The following TOGARAM2 variants were observed in gnomAD, a reference collection of about 807,000 sequenced individuals.
TOGARAM2 encodes the protein TOG array regulator of axonemal microtubules protein 2.
In TOGARAM2, 85 loss-of-function variants were observed where a neutral mutation model predicts 93.3. That is an observed-to-expected ratio of 0.91 (90% CI 0.76 to 1.09). TOGARAM2 has a LOEUF of 1.09. Ranked by LOEUF, TOGARAM2 falls within the 50% of genes least tolerant of loss-of-function variation. The probability of loss-of-function intolerance (pLI) is 0.00; values close to 1 mark genes in which losing one functional copy is unlikely to be tolerated. For synonymous variants in TOGARAM2, 593 were observed against 552.8 expected (o/e 1.07, Z -1.02); for missense variants, 1,277 against 1,334.5 (o/e 0.96, Z 0.67).
intron 4 of TOGARAM2, 122 bp from the exon 5 acceptor site, chr2:29,002,414 A>C: frequency 1.2e-6 from 1 of 815,664 alleles, no homozygotes; most frequent in Non-Finnish European, 1.9e-6. Flanking sequence ...GACAGATCTG[A>C]TCTCTCTCCT....
chr2:29,049,373 T>C (rs1422738788), intron 19 of TOGARAM2: 1 of 152,258 alleles, frequency 6.6e-6, no homozygotes, highest in Non-Finnish European at 1.5e-5. Flanking sequence ...TATCCATTCC[T>C]CAATGGACAC....
intron 18 of TOGARAM2, among the ~76,000 whole-genome samples, chr2:29,042,263 C>G (rs528447093): frequency 6.6e-5 from 10 of 152,380 alleles, no homozygotes; most frequent in Non-Finnish European, 1.5e-4. Flanking sequence ...CCCAGGCACA[C>G]TGTGTCTTGT....
intron 1 of TOGARAM2, among the ~76,000 whole-genome samples, chr2:28,964,406 C>T (rs957372942): frequency 6.7e-6 from 1 of 149,118 alleles, no homozygotes; most frequent in African/African-American, 2.5e-5. Flanking sequence ...CTTTTTTTTC[C>T]TCTTTATCTG....
At chr2:28,963,385 C>T (rs906637614) in intron 1 of TOGARAM2, among the ~76,000 whole-genome samples, 3 of 151,884 alleles carry the variant, frequency 2.0e-5, no homozygotes, top group African/African-American at 4.8e-5. Flanking sequence ...GTTTTTCTTC[C>T]GTTTTAGAGA....
intron 1 of TOGARAM2, among the ~76,000 whole-genome samples, chr2:28,993,457 G>T: frequency 6.6e-6 from 1 of 152,226 alleles, no homozygotes; most frequent in Non-Finnish European, 1.5e-5. Flanking sequence ...AGGGGGTGAA[G>T]TTTGGGGTGT....
intron 4 of TOGARAM2, among the ~76,000 whole-genome samples, chr2:29,000,968 C>T (rs2148284702): frequency 1.3e-5 from 2 of 152,316 alleles, no homozygotes; most frequent in Middle Eastern, 6.8e-3. Context: ...TACAAAGTTC[C>T]AGCATAGGGA....
At chr2:28,991,437 C>T (rs1208284412) in intron 1 of TOGARAM2, among the ~76,000 whole-genome samples, 1 of 152,214 alleles carries the variant, frequency 6.6e-6, no homozygotes, top group African/African-American at 2.4e-5. Context: ...TGCCACCTTT[C>T]CCCTCAGCCT....
rs576932900 is a variant in TOGARAM2, at chr2:29,023,164, C to T, written c.1590C>T (p.His530=). The T allele has an allele frequency of 7.0e-5, 112 of 1,597,722 alleles. 1 individual carries two copies. The highest frequency in any genetic ancestry group is 1.7e-4 in the Admixed American group (10 of 57,540). ...CHSEVLTGKL[H]DVCLVVTGEV... ...CAGAGGTCCTCACCGGGAAGCTGCA[C>T]GACGTGTGCTTGGTGGTGACTGGGG... Residue 530 remains histidine, a synonymous_variant, in exon 12 of 20, where the codon CAC becomes CAT. Transcript: ENST00000379558.
At chr2:28,974,158 C>G (rs997702248) in intron 1 of TOGARAM2, among the ~76,000 whole-genome samples, 1 of 135,292 alleles carries the variant, frequency 7.4e-6, no homozygotes, top group Admixed American at 7.8e-5. Context: ...GGCGAAGTCT[C>G]TCTCTGTCAC....
Position 28,994,721 on chromosome 2 carries a change from T to G in TOGARAM2, c.-110-4T>G. 1 of 1,069,648 alleles carries G rather than the reference T, an allele frequency of 9.3e-7. No individual in the cohort carries two copies. Among genetic ancestry groups the G allele is most frequent in the South Asian group, 1.4e-5 (1 of 71,092 alleles). 66.3% of individuals were successfully genotyped at this position (1,069,648 alleles called of 1,614,324 possible). A position where few individuals can be genotyped will look rare whatever the true frequency, so the allele number is the denominator to read the frequency against. Reference sequence around the variant, plus strand: ...TGACTTCTCCTTTCTCCTCTCACCCTTAGGTCCCGGATGTTACAGGTCAGA... The same window carrying G: ...TGACTTCTCCTTTCTCCTCTCACCCGTAGGTCCCGGATGTTACAGGTCAGA... On this transcript the variant is annotated splice_polypyrimidine_tract_variant and splice_region_variant and intron_variant, in intron 1 of 19. Coordinates refer to ENST00000379558, the MANE Select transcript of TOGARAM2 (RefSeq NM_199280.4).
chr2:28,999,084 CT>C (rs1278755227), intron 3 of TOGARAM2, 96 bp from the exon 4 acceptor site: 1 of 1,298,534 alleles, frequency 7.7e-7, no homozygotes, highest in African/African-American at 1.5e-5. Flanking sequence ...AGGCAAGTGG[CT>C]GCCTGTTAGA....
At chr2:28,969,782 T>A (rs1671918028) in intron 1 of TOGARAM2, among the ~76,000 whole-genome samples, 1 of 151,872 alleles carries the variant, frequency 6.6e-6, no homozygotes, top group South Asian at 2.1e-4. Context: ...TTTCTTTTTA[T>A]CTTCCCTTCC....
intron 18 of TOGARAM2, among the ~76,000 whole-genome samples, chr2:29,039,032 G>A (rs529858147): frequency 6.9e-4 from 105 of 152,290 alleles, no homozygotes; most frequent in Non-Finnish European, 1.2e-3. Flanking sequence ...GCCTGCAGAT[G>A]GAAGTAACTA....
chr2:29,037,504 C>T (rs1023574192), intron 18 of TOGARAM2, among the ~76,000 whole-genome samples: 7 of 152,156 alleles, frequency 4.6e-5, no homozygotes, highest in South Asian at 2.1e-4. Flanking sequence ...CATAGAGCAA[C>T]GTCTTGCCTT....
chr2:29,048,023 T>C (rs921100), intron 19 of TOGARAM2: 60,234 of 152,102 alleles, frequency 0.4, 12,404 homozygotes, highest in Admixed American at 0.45. Context: ...TAAAGACATA[T>C]CCGAGACTGG....
At chr2:29,022,027 G>A in intron 10 of TOGARAM2, 131 bp from the exon 11 acceptor site, 8 of 1,244,626 alleles carry the variant, frequency 6.4e-6, no homozygotes, top group African/African-American at 1.5e-5. Context: ...ACTTCCACTT[G>A]TACACCCTCC....
rs1338776964 is a variant in TOGARAM2, at chr2:29,003,555, AT to A, written c.704del (p.Ile235ThrfsTer2). The A allele has an allele frequency of 6.3e-7, 1 of 1,594,970 alleles. No individual in the cohort carries two copies. The highest frequency in any genetic ancestry group is 1.3e-5 in the African/African-American group (1 of 74,106). On this transcript the variant is annotated frameshift_variant, in exon 6 of 20. Coordinates refer to ENST00000379558, the MANE Select transcript of TOGARAM2 (RefSeq NM_199280.4). LOFTEE classifies it high-confidence loss of function. ...GAAGATGCAGAAGTCCCTGGGCGCCATCGTGATCCCACCCATCCCAAAGGCC... is the reference window on the plus strand; with the variant it reads ...GAAGATGCAGAAGTCCCTGGGCGCCACGTGATCCCACCCATCCCAAAGGCC... ...DEKMQKSLGA[I>X]VIPPIPKART...
chr2:28,963,300 A>C (rs1393430614), intron 1 of TOGARAM2, among the ~76,000 whole-genome samples: 1 of 152,226 alleles, frequency 6.6e-6, no homozygotes, highest in Non-Finnish European at 1.5e-5. Flanking sequence ...AACATATTTT[A>C]TAGGATTTAA....
At chr2:28,999,031 C>T (rs746949591) in intron 3 of TOGARAM2, 150 bp from the exon 4 acceptor site, 79 of 790,670 alleles carry the variant, frequency 1.0e-4, no homozygotes, top group South Asian at 1.7e-4. Flanking sequence ...ATGAATGACT[C>T]GTCCCCAGGA....
Sources: allele counts gnomAD v4.1 joint callset (sites outside exome capture counted in the v4.1 genomes callset), GRCh38; gene constraint gnomAD v4.1.1; transcripts MANE v1.5; gene names NCBI Gene and HGNC (gene_info 2026-07-23, HGNC 2026-07-21).